The following HCRTR2 variants were observed in gnomAD, a reference collection of about 807,000 sequenced individuals.
HCRTR2 encodes the protein hypocretin receptor 2.
HCRTR2 carries 22 observed loss-of-function variants against 49.0 expected under a neutral mutation model. That is an observed-to-expected ratio of 0.45 (90% CI 0.32 to 0.64). The LOEUF is 0.64. Ranked by LOEUF, HCRTR2 falls within the 30% of genes least tolerant of loss-of-function variation. The pLI is 0.04. For missense variants in HCRTR2, 491 were observed against 559.4 expected (o/e 0.88, Z 1.23); for synonymous variants, 236 against 205.3 (o/e 1.15, Z -1.28).
At chr6:55,242,196 A>T (rs1766349511) in intron 1 of HCRTR2, among the ~76,000 whole-genome samples, 1 of 152,160 alleles carries the variant, frequency 6.6e-6, no homozygotes, top group Admixed American at 6.5e-5. Flanking sequence ...AATTGTGGTA[A>T]AATATACATA....
intron 1 of HCRTR2, among the ~76,000 whole-genome samples, chr6:55,175,023 G>T (rs1765015321): frequency 6.6e-6 from 1 of 152,152 alleles, no homozygotes; most frequent in South Asian, 2.1e-4. Context: ...TCCCTGTTTT[G>T]CAGGAATAAC....
intron 1 of HCRTR2, among the ~76,000 whole-genome samples, chr6:55,192,049 T>C (rs1334196674): frequency 6.6e-6 from 1 of 152,184 alleles, no homozygotes; most frequent in Non-Finnish European, 1.5e-5. Context: ...ATATAAAATG[T>C]GTAAGTCTAA....
Position 55,114,005 on chromosome 6 carries a change from C to T in HCRTR2, c.-378+7460C>T, listed in dbSNP as rs1050453065. On this transcript the variant is annotated intron_variant, in intron 1 of 7. Coordinates refer to the HCRTR2 transcript ENST00000615358. Reference sequence around the variant, plus strand: ...GCATTCATAGCAACCTGGATGGAATCGGAGACCATTATTTTAAGTTAAATA... The same window carrying T: ...GCATTCATAGCAACCTGGATGGAATTGGAGACCATTATTTTAAGTTAAATA... 4.6e-5 allele frequency among the ~76,000 whole-genome samples: 7 copies of T among 151,876 alleles called. No individual in the cohort carries two copies. The East Asian group carries it at 5.8e-4, about 13-fold the overall frequency.
chr6:55,155,763 T>C (rs1411970021), intron 1 of HCRTR2, among the ~76,000 whole-genome samples: 1 of 152,022 alleles, frequency 6.6e-6, no homozygotes, highest in Non-Finnish European at 1.5e-5. Context: ...TTGAATCATG[T>C]TTATTTTATT....
chr6:55,204,598 A>G (rs552215350), intron 1 of HCRTR2, among the ~76,000 whole-genome samples: 1 of 152,182 alleles, frequency 6.6e-6, no homozygotes, highest in South Asian at 2.1e-4. Flanking sequence ...AAGCTATCAC[A>G]CTCTTTATAT....
chr6:55,231,413 T>C (rs911138578), intron 1 of HCRTR2, among the ~76,000 whole-genome samples: 1 of 152,156 alleles, frequency 6.6e-6, no homozygotes, highest in African/African-American at 2.4e-5. Context: ...TTTGTTTCAA[T>C]GGCAAATAGA....
At chr6:55,220,247 C>T (rs563411113) in intron 1 of HCRTR2, among the ~76,000 whole-genome samples, 13 of 152,236 alleles carry the variant, frequency 8.5e-5, no homozygotes, top group African/African-American at 2.6e-4. Context: ...ACAACGAACA[C>T]ACACACTTTC....
At chr6:55,178,767 T>A (rs1765083276) in intron 1 of HCRTR2, among the ~76,000 whole-genome samples, 1 of 152,236 alleles carries the variant, frequency 6.6e-6, no homozygotes, top group Admixed American at 6.5e-5. Context: ...ATCTCCTTCA[T>A]ACTGATTGCT....
intron 1 of HCRTR2, chr6:55,106,593 T>A (rs1763969185): frequency 6.6e-6 from 1 of 152,116 alleles, no homozygotes; most frequent in Non-Finnish European, 1.5e-5. Flanking sequence ...TTTATTCAAG[T>A]CAATTCAATA....
intron 4 of HCRTR2, among the ~76,000 whole-genome samples, chr6:55,270,379 G>T (rs1766950431): frequency 6.6e-6 from 1 of 152,058 alleles, no homozygotes; most frequent in Non-Finnish European, 1.5e-5. Context: ...AGTCAGTTTG[G>T]AACTATTTCC....
chr6:55,118,251 A>G (rs1223567367), intron 1 of HCRTR2, among the ~76,000 whole-genome samples: 1 of 151,912 alleles, frequency 6.6e-6, no homozygotes, highest in African/African-American at 2.4e-5. Context: ...TTATAACTGC[A>G]TAGTATTTCA....
chr6:55,240,069 G>C (rs1184593299), intron 1 of HCRTR2, among the ~76,000 whole-genome samples: 1 of 151,756 alleles, frequency 6.6e-6, no homozygotes, highest in South Asian at 2.1e-4. Context: ...GAGCCACCGC[G>C]CCCGGCCAGT....
intron 1 of HCRTR2, among the ~76,000 whole-genome samples, chr6:55,145,004 G>A (rs1764559406): frequency 6.6e-6 from 1 of 151,742 alleles, no homozygotes; most frequent in Admixed American, 6.6e-5. Flanking sequence ...CTCTCCATTA[G>A]CATATAACCC....
At chr6:55,262,614 A>T (rs1766786877) in intron 3 of HCRTR2, among the ~76,000 whole-genome samples, 1 of 137,404 alleles carries the variant, frequency 7.3e-6, no homozygotes, top group African/African-American at 2.7e-5. Flanking sequence ...GAATATATCT[A>T]ATATTAATAT....
intron 5 of HCRTR2, among the ~76,000 whole-genome samples, chr6:55,277,954 A>G (rs1193119978): frequency 6.6e-6 from 1 of 152,244 alleles, no homozygotes; most frequent in Non-Finnish European, 1.5e-5. Flanking sequence ...CGGGTTTTTC[A>G]AAACTTCGTT....
chr6:55,240,230 C>T (rs1253795220), intron 1 of HCRTR2, among the ~76,000 whole-genome samples: 5 of 151,364 alleles, frequency 3.3e-5, no homozygotes, highest in South Asian at 2.1e-4. Flanking sequence ...CGGTGGCGGG[C>T]GCCTGTAGTT....
chr6:55,110,759 T>C (rs1326336173), intron 1 of HCRTR2, among the ~76,000 whole-genome samples: 1 of 151,950 alleles, frequency 6.6e-6, no homozygotes, highest in East Asian at 1.9e-4. Flanking sequence ...AGAAATGAGA[T>C]AGACAGAAAA....
chr6:55,244,333 A>G (rs1766390824), intron 1 of HCRTR2, among the ~76,000 whole-genome samples: 1 of 145,214 alleles, frequency 6.9e-6, no homozygotes, highest in Non-Finnish European at 1.6e-5. Flanking sequence ...TTATTTTATG[A>G]CACTTATCCA....
chr6:55,168,969 C>T (rs1215416342), intron 1 of HCRTR2, among the ~76,000 whole-genome samples: 1 of 151,998 alleles, frequency 6.6e-6, no homozygotes, highest in Non-Finnish European at 1.5e-5. Context: ...TCACTTCCCA[C>T]AATCTGGTTA....
Sources: gnomAD v4.1 joint callset for allele counts (sites outside exome capture counted in the v4.1 genomes callset) on GRCh38, gnomAD v4.1.1 for gene constraint, MANE v1.5 for transcripts, NCBI Gene and HGNC (gene_info 2026-07-23, HGNC 2026-07-21) for gene names.